The following ARRB1 variants were observed in gnomAD, a reference collection of about 807,000 sequenced individuals.
ARRB1 encodes arrestin beta 1.
A neutral mutation model predicts 56.8 loss-of-function variants in ARRB1; 21 were observed. The observed-to-expected ratio is 0.37, with a 90% CI of 0.26 to 0.53. ARRB1 has a LOEUF of 0.53. ARRB1 is among the 20% of genes least tolerant of loss of function. ARRB1 has a pLI of 0.88. For missense variants in ARRB1, 424 were observed against 553.7 expected, an observed-to-expected ratio of 0.77 and a Z score of 2.35; for synonymous variants, 210 against 218.6, an observed-to-expected ratio of 0.96 and a Z score of 0.35.
At chr11:75,327,783 T>A (rs1947465593) in intron 1 of ARRB1, among the ~76,000 whole-genome samples, 1 of 151,924 alleles carries the variant, frequency 6.6e-6, no homozygotes, top group Non-Finnish European at 1.5e-5. Flanking sequence ...GAGACGGGGT[T>A]TCGCCATGTT....
intron 1 of ARRB1, among the ~76,000 whole-genome samples, chr11:75,306,185 T>A (rs1947023699): frequency 6.6e-6 from 1 of 152,166 alleles, no homozygotes; most frequent in Admixed American, 6.5e-5. Flanking sequence ...GAGCTGAGTC[T>A]GACCTTGGCC....
rs1222380889 is a variant in ARRB1, at chr11:75,263,306, A to G, written c.*2857T>C. 1.3e-5 allele frequency among the ~76,000 whole-genome samples: 2 copies of G among 152,224 alleles called. No homozygotes were observed. Among genetic ancestry groups the G allele is most frequent in the African/African-American group, 2.4e-5 (1 of 41,464 alleles). On this transcript the variant is annotated 3_prime_UTR_variant, in exon 16 of 16. Coordinates refer to ENST00000420843, the MANE Select transcript of ARRB1 (RefSeq NM_004041.5). ...TGGAGTTGACCAGAAGCTTGGAAAC[A>G]TGACCTGCGGCTTCCTCTCCAGGAA...
At chr11:75,345,522 G>A (rs1385155397) in intron 1 of ARRB1, among the ~76,000 whole-genome samples, 1 of 152,158 alleles carries the variant, frequency 6.6e-6, no homozygotes, top group Non-Finnish European at 1.5e-5. Context: ...GGGCTCACAT[G>A]GGAGACAAGG....
At chr11:75,272,827 G>A in intron 12 of ARRB1, 68 bp downstream of exon 12, 5 of 1,513,550 alleles carry the variant, frequency 3.3e-6, no homozygotes, top group Non-Finnish European at 4.6e-6. Context: ...GAATGGGGCA[G>A]GGGCCTGTGG....
intron 8 of ARRB1, among the ~76,000 whole-genome samples, chr11:75,278,148 G>A (rs1946242230): frequency 6.6e-6 from 1 of 152,236 alleles, no homozygotes; most frequent in African/African-American, 2.4e-5. Context: ...TTGAGGAGGG[G>A]CCAGCCTAAG....
rs150813776 is a variant in ARRB1, at chr11:75,281,107, G to A, written c.450C>T (p.Cys150=). 17 of 1,603,078 alleles carry A rather than the reference G, an allele frequency of 1.1e-5. No homozygotes were observed. The African/African-American group carries it at 1.1e-4, about 10-fold the overall frequency. Residue 150 remains cysteine (C), a synonymous_variant, in exon 7 of 16, where the codon TGC becomes TGT. Transcript: ENST00000420843. The part of the protein sequence containing the change: ...CGVDYEVKAF[C]AENLEEKIHK... Reference sequence around the variant, plus strand: ...GGATCTTCTCCTCCAAATTCTCCGCGCAGAAGGCTTTGACTTCATAGTCCA... The same window carrying A: ...GGATCTTCTCCTCCAAATTCTCCGCACAGAAGGCTTTGACTTCATAGTCCA...
intron 1 of ARRB1, among the ~76,000 whole-genome samples, chr11:75,324,310 TGG>T (rs1237711108): frequency 1.3e-5 from 2 of 152,208 alleles, no homozygotes; most frequent in East Asian, 3.9e-4. Context: ...CCTTTACTGC[TGG>T]GACAGCGCCT....
At chr11:75,345,601 G>A (rs1947754806) in intron 1 of ARRB1, among the ~76,000 whole-genome samples, 1 of 152,184 alleles carries the variant, frequency 6.6e-6, no homozygotes, top group Admixed American at 6.5e-5. Flanking sequence ...AGTCTGAGGA[G>A]GGAGACATGG....
chr11:75,285,532 G>A (rs1946449817), intron 3 of ARRB1, among the ~76,000 whole-genome samples: 1 of 152,198 alleles, frequency 6.6e-6, no homozygotes. Flanking sequence ...TGTCCTGTTG[G>A]GCAGGCCAGT....
chr11:75,293,078 G>A (rs1591931944), intron 1 of ARRB1, among the ~76,000 whole-genome samples: 2 of 152,182 alleles, frequency 1.3e-5, no homozygotes, highest in Admixed American at 1.3e-4. Flanking sequence ...AAGGGGCACA[G>A]TGAGGGTGGC....
intron 1 of ARRB1, among the ~76,000 whole-genome samples, chr11:75,295,103 G>A (rs185570518): frequency 6.6e-6 from 1 of 151,672 alleles, no homozygotes; most frequent in African/African-American, 2.4e-5. Flanking sequence ...TGTGCCTGTA[G>A]TACCAGCTAC....
At chr11:75,273,289 T>C (rs1237200420) in intron 11 of ARRB1, among the ~76,000 whole-genome samples, 1 of 152,174 alleles carries the variant, frequency 6.6e-6, no homozygotes, top group East Asian at 1.9e-4. Flanking sequence ...TGGATTCTGC[T>C]TCTCTCAGCA....
intron 14 of ARRB1, among the ~76,000 whole-genome samples, chr11:75,268,321 A>G (rs1296930185): frequency 6.6e-6 from 1 of 152,016 alleles, no homozygotes; most frequent in Non-Finnish European, 1.5e-5. Context: ...CCTGGCCAAC[A>G]TGGTGAAACC....
At chr11:75,309,553 G>T (rs1947112744) in intron 1 of ARRB1, among the ~76,000 whole-genome samples, 1 of 152,192 alleles carries the variant, frequency 6.6e-6, no homozygotes, top group Non-Finnish European at 1.5e-5. Flanking sequence ...ACAGCAAGCG[G>T]ACCCACTGGT....
rs1300389195 is a variant in ARRB1 at position 75,351,032 on chromosome 11, AAG to A, written c.20+554_20+555del. 2.0e-5 allele frequency among the ~76,000 whole-genome samples: 3 copies of A among 152,234 alleles called. No homozygotes were observed. In the East Asian group the frequency reaches 5.8e-4, roughly 29 times the overall value. On this transcript the variant is annotated intron_variant, in intron 1 of 15. Transcript: ENST00000420843. Reference sequence around the variant, plus strand: ...CAGTGAGGGTGATGTGTGTGCCAGCAAGAGTGTTTGCTACAGCGAGTGCAGGT... The same window carrying A: ...CAGTGAGGGTGATGTGTGTGCCAGCAAGTGTTTGCTACAGCGAGTGCAGGT...
chr11:75,302,305 T>C (rs1235298322), intron 1 of ARRB1, among the ~76,000 whole-genome samples: 1 of 152,196 alleles, frequency 6.6e-6, no homozygotes, highest in East Asian at 1.9e-4. Context: ...GGTTCACTTC[T>C]TTGGCCATGA....
chr11:75,266,804 A>G (rs989166929), intron 15 of ARRB1, among the ~76,000 whole-genome samples: 1 of 152,206 alleles, frequency 6.6e-6, no homozygotes, highest in Non-Finnish European at 1.5e-5. Context: ...CCTTTCTCCC[A>G]GAAGTGTCAG....
chr11:75,267,675 G>A lies in ARRB1; in HGVS notation c.1122C>T (p.Thr374=), dbSNP rs1385373747. 3 of 1,413,154 alleles carry A rather than the reference G, an allele frequency of 2.1e-6. No individual in the cohort carries two copies. The highest frequency in any genetic ancestry group is 3.7e-5 in the East Asian group (1 of 26,964). 87.5% of individuals were successfully genotyped at this position (1,413,154 alleles called of 1,614,324 possible). Reference sequence around the variant, plus strand: ...ACTTTGTGTCAAGTTCTATGAGATTGGTATCTACTGGCGTCTCGTTCTCTG... The same window carrying A: ...ACTTTGTGTCAAGTTCTATGAGATTAGTATCTACTGGCGTCTCGTTCTCTG... ...EVPENETPVD[T]NLIELDTNDD... Residue 374 remains threonine (T), a synonymous_variant, in exon 15 of 16, where the codon ACC becomes ACT. Transcript: ENST00000420843.
chr11:75,270,891 C>T (rs991339381), intron 13 of ARRB1: 1 of 152,106 alleles, frequency 6.6e-6, no homozygotes, highest in Non-Finnish European at 1.5e-5. Flanking sequence ...ATAAGGCTGT[C>T]AGAGCTATTT....
Sources: allele counts gnomAD v4.1 joint callset (sites outside exome capture counted in the v4.1 genomes callset), GRCh38; gene constraint gnomAD v4.1.1; transcripts MANE v1.5; gene names NCBI Gene and HGNC (gene_info 2026-07-23, HGNC 2026-07-21).